Variants in ANKRD13C observed in about 807,000 individuals in gnomAD.
The protein encoded by ANKRD13C is ankyrin repeat domain-containing protein 13C.
ANKRD13C carries 16 observed loss-of-function variants against 65.5 expected under a neutral mutation model. That is an observed-to-expected ratio of 0.24 (90% confidence interval 0.17 to 0.37). ANKRD13C has a LOEUF of 0.37. ANKRD13C is among the 10% of genes least tolerant of loss of function. ANKRD13C has a pLI of 1.00. For missense variants in ANKRD13C, 503 were observed against 655.9 expected (o/e 0.77, Z 2.55); for synonymous variants, 235 against 238.7 (o/e 0.98, Z 0.14).
At chr1:70,343,781 G>A (rs1024231460) in intron 1 of ANKRD13C, among the ~76,000 whole-genome samples, 1 of 152,112 alleles carries the variant, frequency 6.6e-6, no homozygotes, top group African/African-American at 2.4e-5. Flanking sequence ...CAAGTGATCC[G>A]CCCACCTCAG....
intron 1 of ANKRD13C, among the ~76,000 whole-genome samples, chr1:70,338,086 C>T (rs1682134022): frequency 6.6e-6 from 1 of 151,476 alleles, no homozygotes; most frequent in Non-Finnish European, 1.5e-5. Flanking sequence ...GCAAGAAGAG[C>T]GAAACTCCGT....
intron 9 of ANKRD13C, among the ~76,000 whole-genome samples, chr1:70,288,911 C>T (rs570816807): frequency 6.6e-6 from 1 of 152,072 alleles, no homozygotes; most frequent in African/African-American, 2.4e-5. Context: ...TACATGGAAT[C>T]CCTGTATGAT....
chr1:70,287,747 C>T (rs916927940), intron 9 of ANKRD13C, among the ~76,000 whole-genome samples: 6 of 152,120 alleles, frequency 3.9e-5, no homozygotes, highest in South Asian at 2.1e-4. Flanking sequence ...TGGCTCATGC[C>T]TATAATCCCA....
intron 2 of ANKRD13C, among the ~76,000 whole-genome samples, chr1:70,329,347 C>T (rs886903003): frequency 2.0e-5 from 3 of 151,924 alleles, no homozygotes; most frequent in African/African-American, 7.3e-5. Context: ...ATAGTGAAAC[C>T]CCATCTTTAC....
intron 6 of ANKRD13C, among the ~76,000 whole-genome samples, chr1:70,302,307 G>A (rs962976782): frequency 9.2e-5 from 14 of 151,882 alleles, no homozygotes; most frequent in African/African-American, 3.1e-4. Flanking sequence ...ACACAGGGGC[G>A]GCGGGGGGGC....
At chr1:70,346,438 A>G (rs971628879) in intron 1 of ANKRD13C, among the ~76,000 whole-genome samples, 1 of 152,102 alleles carries the variant, frequency 6.6e-6, no homozygotes, top group Non-Finnish European at 1.5e-5. Context: ...TGAACCACCA[A>G]TGAAAATGTC....
rs370980105 is a variant in ANKRD13C, at chr1:70,307,363, C to G, written c.710-1073G>C. Among the ~76,000 whole-genome samples, 5 of 152,070 alleles carry G rather than the reference C, an allele frequency of 3.3e-5. No homozygotes were observed. The East Asian group carries it at 9.7e-4, about 29-fold the overall frequency. ...ACCGGCCTGGGCAACATGGCGAAAC[C>G]CCATCTCTATCAAACATACAAAAAT... On this transcript the variant is annotated intron_variant, in intron 5 of 12. Transcript: ENST00000370944.
At chr1:70,344,852 TG>T (rs997753841) in intron 1 of ANKRD13C, among the ~76,000 whole-genome samples, 16 of 152,038 alleles carry the variant, frequency 1.1e-4, no homozygotes, top group Non-Finnish European at 2.1e-4. Flanking sequence ...AAATTTTAAA[TG>T]TATTAATTTT....
At chr1:70,342,623 G>A (rs1354730483) in intron 1 of ANKRD13C, among the ~76,000 whole-genome samples, 4 of 151,558 alleles carry the variant, frequency 2.6e-5, no homozygotes, top group South Asian at 2.1e-4. Flanking sequence ...AATAGTGGAA[G>A]AGGTAGCAAT....
At chr1:70,347,078 C>G (rs1472220747) in intron 1 of ANKRD13C, among the ~76,000 whole-genome samples, 1 of 112,170 alleles carries the variant, frequency 8.9e-6, no homozygotes, top group African/African-American at 3.5e-5. Flanking sequence ...GGTGACAGAG[C>G]GAGGCTCCGT....
At chr1:70,274,492 A>G (rs1420130730) in intron 11 of ANKRD13C, among the ~76,000 whole-genome samples, 13 of 148,626 alleles carry the variant, frequency 8.7e-5, no homozygotes, top group East Asian at 3.9e-4. Flanking sequence ...AAAAAAAAAA[A>G]AAAAGAAAGA....
chr1:70,272,193 A>T, intron 11 of ANKRD13C, among the ~76,000 whole-genome samples: 1 of 149,760 alleles, frequency 6.7e-6, no homozygotes, highest in African/African-American at 2.4e-5. Context: ...TTTAGAACAA[A>T]TTATTTGTCT....
intron 5 of ANKRD13C, among the ~76,000 whole-genome samples, chr1:70,309,471 C>A (rs1680741873): frequency 6.7e-6 from 1 of 150,314 alleles, no homozygotes; most frequent in African/African-American, 2.4e-5. Context: ...GTAATCCCAG[C>A]ACTTTGGGAG....
intron 2 of ANKRD13C, among the ~76,000 whole-genome samples, chr1:70,325,548 C>T (rs1385946535): frequency 6.6e-6 from 1 of 152,152 alleles, no homozygotes; most frequent in Non-Finnish European, 1.5e-5. Flanking sequence ...AAGGTATAGA[C>T]CTTTCTATAG....
chr1:70,308,130 CTTAAG>C (rs898845915), intron 5 of ANKRD13C, among the ~76,000 whole-genome samples: 5 of 152,072 alleles, frequency 3.3e-5, no homozygotes, highest in African/African-American at 1.2e-4. Context: ...AGCACTCCAA[CTTAAG>C]TTAATTTAAC....
At position 70,262,750 on chromosome 1, in the gene ANKRD13C, G is replaced by A. The variant is rs140092352; in HGVS notation, c.1593C>T (p.Tyr531=). 16 of 1,613,382 alleles carry A rather than the reference G, an allele frequency of 9.9e-6. No homozygotes were observed. In the African/African-American group the frequency reaches 1.6e-4, roughly 16 times the overall value. ...CAGGAAAACGGCTTGGGTCTTCCTT[G>A]TAGTCATCAGGTATAGTAAAGATGG... The part of the protein sequence containing the change: ...DGSIFTIPDD[Y]KEDPSRFPDL The change falls in exon 13 of 13, where the codon TAC becomes TAT. Residue 531 remains tyrosine, a synonymous_variant. Transcript: ENST00000370944.
At chr1:70,332,659 T>C (rs1681863970) in intron 2 of ANKRD13C, among the ~76,000 whole-genome samples, 1 of 152,010 alleles carries the variant, frequency 6.6e-6, no homozygotes, top group Non-Finnish European at 1.5e-5. Flanking sequence ...AGAGATGGGG[T>C]CTTGCCATGG....
Position 70,259,128 on chromosome 1 carries a change from T to C in ANKRD13C, c.*3589A>G, listed in dbSNP as rs1678317852. 6.6e-6 allele frequency among the ~76,000 whole-genome samples: 1 copy of C among 152,236 alleles called. No individual in the cohort carries two copies. The highest frequency in any genetic ancestry group is 1.5e-5 in the Non-Finnish European group (1 of 68,034). On this transcript the variant is annotated 3_prime_UTR_variant, in exon 13 of 13. Coordinates refer to ENST00000370944, the MANE Select transcript of ANKRD13C (RefSeq NM_030816.5). ...CACCTGATGCATTCCACAGAACATGTACCCATCATTAAGTGACACACAACT... is the reference window on the plus strand; with the variant it reads ...CACCTGATGCATTCCACAGAACATGCACCCATCATTAAGTGACACACAACT...
At chr1:70,334,677 C>A (rs1402757353) in intron 2 of ANKRD13C, among the ~76,000 whole-genome samples, 1 of 152,056 alleles carries the variant, frequency 6.6e-6, no homozygotes, top group East Asian at 1.9e-4. Flanking sequence ...GTAATCCCAG[C>A]ACTTTGTGAG....
Sources: gnomAD v4.1 joint callset for allele counts (sites outside exome capture counted in the v4.1 genomes callset) on GRCh38, gnomAD v4.1.1 for gene constraint, MANE v1.5 for transcripts, NCBI Gene and HGNC (gene_info 2026-07-23, HGNC 2026-07-21) for gene names.